Variants in VPS13D observed in about 807,000 individuals in gnomAD.
VPS13D encodes vacuolar protein sorting 13 homolog D, also known as intermembrane lipid transfer protein VPS13D.
VPS13D carries 187 observed loss-of-function variants against 461.9 expected under a neutral mutation model. The observed-to-expected ratio is 0.40, with a 90% CI of 0.36 to 0.46. VPS13D has a LOEUF of 0.46. Ranked by LOEUF, VPS13D falls within the 20% of genes least tolerant of loss-of-function variation. VPS13D has a pLI of 0.60. For synonymous variants in VPS13D, 1,951 were observed against 1,986.3 expected, an observed-to-expected ratio of 0.98 and a Z score of 0.47; for missense variants, 4,711 against 5,364.9, an observed-to-expected ratio of 0.88 and a Z score of 3.81.
In VPS13D at chr1:12,343,919, G is replaced by C. The variant is rs375137893; in HGVS notation, c.8885+868G>C. 3.9e-5 allele frequency among the ~76,000 whole-genome samples: 6 copies of C among 152,108 alleles called. 1 individual carries two copies. Among genetic ancestry groups the C allele is most frequent in the East Asian group, 3.9e-4 (2 of 5,182 alleles). ...CAATTTTAATTTACATATATGCCAC[G>C]TAGTACTTTTAACAAGCAGCTAGTT... On this transcript the variant is annotated intron_variant, in intron 42 of 69. Transcript: ENST00000620676.
rs1228806467 is a variant in VPS13D at position 12,505,284 on chromosome 1, C to G, written c.12795-1569C>G. Among the ~76,000 whole-genome samples the G allele has an allele frequency of 1.3e-5, 2 of 152,240 alleles. No homozygotes were observed. The highest frequency in any genetic ancestry group is 2.4e-5 in the African/African-American group (1 of 41,454). On this transcript the variant is annotated intron_variant, in intron 68 of 69. Transcript: ENST00000620676. The surrounding 1 kb of genome is among the most constrained non-coding windows in gnomAD (Gnocchi z 4.2). Reference sequence around the variant, plus strand: ...TGCCCTCCTTTCTTCCCCGGACCAGCTATTTCAGATTCCATTCAACTCTGT... The same window carrying G: ...TGCCCTCCTTTCTTCCCCGGACCAGGTATTTCAGATTCCATTCAACTCTGT...
At chr1:12,259,322 T>TA in intron 10 of VPS13D, among the ~76,000 whole-genome samples, 1 of 151,166 alleles carries the variant, frequency 6.6e-6, no homozygotes, top group South Asian at 2.1e-4. Flanking sequence ...TCTTTTTATT[T>TA]TTTTTTTTTT....
chr1:12,361,244 T>C (rs1301652228), intron 50 of VPS13D, among the ~76,000 whole-genome samples: 2 of 152,084 alleles, frequency 1.3e-5, no homozygotes, highest in African/African-American at 4.8e-5. Flanking sequence ...ATTTTTATTA[T>C]TTCTATGATA....
chr1:12,300,219 T>TC (rs1158390401), intron 25 of VPS13D, among the ~76,000 whole-genome samples: 1 of 150,142 alleles, frequency 6.7e-6, no homozygotes, highest in Admixed American at 6.6e-5. Context: ...TTTTTTTTTT[T>TC]TTTTTTGAAA....
At chr1:12,266,482 A>G (rs1034127722) in intron 13 of VPS13D, among the ~76,000 whole-genome samples, 1 of 152,252 alleles carries the variant, frequency 6.6e-6, no homozygotes, top group Admixed American at 6.5e-5. Flanking sequence ...CAGCAAAAAG[A>G]TTACAACTTG....
chr1:12,264,918 G>A (rs976855910), intron 13 of VPS13D, among the ~76,000 whole-genome samples: 2 of 152,184 alleles, frequency 1.3e-5, no homozygotes, highest in Non-Finnish European at 1.5e-5. Context: ...AGAACAGGCT[G>A]ACTCTCTTGT....
At position 12,401,709 on chromosome 1, in the gene VPS13D, T is replaced by C. The variant is rs140085657; in HGVS notation, c.11881+5T>C. The stretch of plus-strand genomic sequence containing the variant: ...GCTACGATCAAGCAGAATCAGGTAA[T>C]GTTGAATGTTCTATGTCTGTGTTTG... On this transcript the variant is annotated splice_donor_5th_base_variant and intron_variant, in intron 62 of 69. Transcript: ENST00000620676. The C allele has an allele frequency of 6.2e-7, 1 of 1,610,480 alleles. No individual in the cohort carries two copies. Among genetic ancestry groups the C allele is most frequent in the Non-Finnish European group, 8.5e-7 (1 of 1,177,064 alleles).
chr1:12,369,557 G>A lies in VPS13D; in HGVS notation c.10663G>A (p.Glu3555Lys). The A allele has an allele frequency of 2.5e-6, 4 of 1,614,134 alleles. No homozygotes were observed. The highest frequency in any genetic ancestry group is 3.4e-6 in the Non-Finnish European group (4 of 1,180,024). The change falls in exon 54 of 70, where the codon GAA becomes AAA. Residue 3555 changes from glutamate to lysine, a missense_variant. Coordinates refer to ENST00000620676, the MANE Select transcript of VPS13D (RefSeq NM_015378.4). ...GACTTCATTGGATTATGCCTGGGAC[G>A]AACCCACCTTGCCACCTTTTATCAC... ...PMTSLDYAWDEPTLPPFITLT... is the reference protein window; with the variant it reads ...PMTSLDYAWDKPTLPPFITLT...
intron 6 of VPS13D, among the ~76,000 whole-genome samples, chr1:12,250,193 A>G (rs1356039288): frequency 6.6e-6 from 1 of 152,218 alleles, no homozygotes; most frequent in East Asian, 1.9e-4. Context: ...AGCTCAGCAG[A>G]TCTCATGGTT....
intron 67 of VPS13D, among the ~76,000 whole-genome samples, chr1:12,466,417 C>T (rs991546171): frequency 3.9e-5 from 6 of 152,154 alleles, no homozygotes; most frequent in Non-Finnish European, 7.3e-5. Flanking sequence ...GGCTGATATC[C>T]CATGTATCTA....
chr1:12,290,721 T>TAA (rs753945712), intron 22 of VPS13D, among the ~76,000 whole-genome samples: 13 of 135,094 alleles, frequency 9.6e-5, no homozygotes, highest in Non-Finnish European at 1.8e-4. Context: ...AGACTCTGTC[T>TAA]AAAAAAAAAA....
Position 12,460,196 on chromosome 1 carries a change from A to G in VPS13D, c.12467-5A>G. 6.4e-7 allele frequency: 1 copy of G among 1,563,462 alleles called. No individual in the cohort carries two copies. On this transcript the variant is annotated splice_polypyrimidine_tract_variant and splice_region_variant and intron_variant, in intron 66 of 69. Transcript: ENST00000620676. ...GGTTACAACAGCCCTTGTCTTTTTC[A>G]CTAGGTATCATTGGTGGACTGACCA...
intron 35 of VPS13D, among the ~76,000 whole-genome samples, chr1:12,325,320 C>T (rs546579278): frequency 1.2e-4 from 18 of 151,974 alleles, no homozygotes; most frequent in Non-Finnish European, 2.1e-4. Flanking sequence ...AGTGCAGTGG[C>T]GCGATCTTGG....
chr1:12,468,081 A>G (rs929878078), intron 67 of VPS13D, among the ~76,000 whole-genome samples: 4 of 152,208 alleles, frequency 2.6e-5, no homozygotes, highest in African/African-American at 9.7e-5. Context: ...TAAAAATGAA[A>G]TAATGTTGCC....
intron 63 of VPS13D, among the ~76,000 whole-genome samples, chr1:12,411,511 AGG>A (rs1644728045): frequency 1.7e-5 from 2 of 118,228 alleles, no homozygotes; most frequent in Non-Finnish European, 3.3e-5. Context: ...GATAGAGAGA[AGG>A]GGGAGGAGGA....
At chr1:12,402,755 C>T (rs767298804) in intron 62 of VPS13D, 20 of 152,148 alleles carry the variant, frequency 1.3e-4, no homozygotes, top group South Asian at 2.1e-4. Flanking sequence ...AAATTTGATT[C>T]GACATGCTTT....
intron 54 of VPS13D, among the ~76,000 whole-genome samples, chr1:12,372,302 A>G (rs930020660): frequency 4.6e-5 from 7 of 152,086 alleles, no homozygotes; most frequent in Admixed American, 1.3e-4. Context: ...CCCAAATGCT[A>G]TCTACCTGCC....
At chr1:12,295,145 G>T (rs1418297469) in intron 24 of VPS13D, among the ~76,000 whole-genome samples, 1 of 148,268 alleles carries the variant, frequency 6.7e-6, no homozygotes, top group Admixed American at 6.8e-5. Context: ...GATGGCTTGA[G>T]CCCAGGAGGT....
chr1:12,268,434 G>A (rs767484590), intron 15 of VPS13D, among the ~76,000 whole-genome samples: 1 of 151,912 alleles, frequency 6.6e-6, no homozygotes, highest in East Asian at 1.9e-4. Flanking sequence ...GTGGAGCTGC[G>A]AACTTGGGGC....
Sources: allele counts gnomAD v4.1 joint callset (sites outside exome capture counted in the v4.1 genomes callset), GRCh38; gene constraint gnomAD v4.1.1; non-coding constraint Gnocchi (gnomAD v3.1); transcripts MANE v1.5; gene names NCBI Gene and HGNC (gene_info 2026-07-23, HGNC 2026-07-21).